Variants in RBFOX1 observed in about 807,000 individuals in gnomAD.
The protein encoded by RBFOX1 is RNA binding fox-1 homolog 1.
Under a neutral mutation model 57.7 loss-of-function variants are expected in RBFOX1, and 8 were observed. The ratio of observed to expected loss-of-function variants is 0.14; its 90% CI spans 0.08 to 0.25. RBFOX1 has a LOEUF of 0.25. Ranked by LOEUF, RBFOX1 falls within the 10% of genes least tolerant of loss-of-function variation. The pLI is 1.00. For missense variants in RBFOX1, 611 were observed against 548.5 expected, an observed-to-expected ratio of 1.11 and a Z score of -1.14; for synonymous variants, 326 against 222.4, an observed-to-expected ratio of 1.47 and a Z score of -4.15.
chr16:5,884,060 G>A (rs1163571274), intron 4 of RBFOX1, among the ~76,000 whole-genome samples: 1 of 152,184 alleles, frequency 6.6e-6, no homozygotes, highest in Non-Finnish European at 1.5e-5. Flanking sequence ...CTTCTCATCT[G>A]AAAGATGGGG....
chr16:7,520,281 A>T (rs546604731), intron 5 of RBFOX1, among the ~76,000 whole-genome samples: 1 of 152,194 alleles, frequency 6.6e-6, no homozygotes, highest in Non-Finnish European at 1.5e-5. Context: ...CATATAACAT[A>T]AAACTTAACC....
In RBFOX1 at chr16:7,036,730, CAAAG is replaced by C. The variant is rs1555796158; in HGVS notation, c.-15-15323_-15-15320del. ...ACAAACAAAAAAAACAAAAAACAAA[CAAAG>C]AAAAAAAAAAAGAAAGAATTCAGGG... On this transcript the variant is annotated intron_variant, in intron 3 of 15. Transcript: ENST00000550418. Among the ~76,000 whole-genome samples the C allele has an allele frequency of 7.5e-4, 99 of 132,138 alleles. 1 individual carries two copies. The highest frequency in any genetic ancestry group is 2.3e-3 in the South Asian group (10 of 4,306). 86.7% of individuals were successfully genotyped at this position (132,138 alleles called of 152,430 possible).
rs186452477 is a variant in RBFOX1, at chr16:6,885,685, C to G, written c.-15-166372C>G. Among the ~76,000 whole-genome samples, 3 of 152,168 alleles carry G rather than the reference C, an allele frequency of 2.0e-5. No individual in the cohort carries two copies. The South Asian group carries it at 6.2e-4, about 32-fold the overall frequency. On this transcript the variant is annotated intron_variant, in intron 3 of 15. Coordinates refer to ENST00000550418, the MANE Select transcript of RBFOX1 (RefSeq NM_018723.4). The stretch of plus-strand genomic sequence containing the variant: ...TAGCTGGGATTACAGGCCCCTGCCA[C>G]CACACTCAGCTAATTTTTCTATCTT...
At chr16:7,213,988 C>T (rs1356151770) in intron 4 of RBFOX1, among the ~76,000 whole-genome samples, 1 of 152,042 alleles carries the variant, frequency 6.6e-6, no homozygotes, top group Non-Finnish European at 1.5e-5. Flanking sequence ...TTAATTTCCA[C>T]TGTCCTGATG....
chr16:5,784,870 C>T (rs28521723), intron 3 of RBFOX1, among the ~76,000 whole-genome samples: 52,610 of 151,898 alleles, frequency 0.35, 9,745 homozygotes, highest in East Asian at 0.55. Flanking sequence ...CTGAATCTCC[C>T]GGTGCGTTGA....
rs1203067169 is a variant in RBFOX1, at chr16:5,694,168, G to T, written c.318+95207G>T. 2.0e-5 allele frequency among the ~76,000 whole-genome samples: 3 copies of T among 152,156 alleles called. No individual in the cohort carries two copies. In the East Asian group the frequency reaches 5.8e-4, roughly 29 times the overall value. On this transcript the variant is annotated intron_variant, in intron 3 of 19. Coordinates refer to the RBFOX1 transcript ENST00000641259. ...TGCTAAACCAAAATGTGTGGCCGGGGATTTTGCATTCTGCATTTTTCACAG... is the reference window on the plus strand; with the variant it reads ...TGCTAAACCAAAATGTGTGGCCGGGTATTTTGCATTCTGCATTTTTCACAG...
chr16:7,029,948 C>G (rs1217520546), intron 3 of RBFOX1, among the ~76,000 whole-genome samples: 1 of 152,188 alleles, frequency 6.6e-6, no homozygotes, highest in Non-Finnish European at 1.5e-5. Context: ...GGGGTAGACA[C>G]ATGATGTGTG....
At chr16:5,557,524 G>A (rs889654554) in intron 2 of RBFOX1, among the ~76,000 whole-genome samples, 3 of 152,148 alleles carry the variant, frequency 2.0e-5, no homozygotes, top group Non-Finnish European at 2.9e-5. Flanking sequence ...AGGGGTGACT[G>A]TGATGGGGAG....
At chr16:6,964,249 T>C (rs4786133) in intron 3 of RBFOX1, among the ~76,000 whole-genome samples, 152,014 of 152,230 alleles carry the variant, frequency 1, 75,900 homozygotes, top group East Asian at 1. Context: ...GAACTGCTGA[T>C]CTCAAGTGAT....
intron 1 of RBFOX1, among the ~76,000 whole-genome samples, chr16:5,389,159 C>A (rs1285040833): frequency 6.6e-6 from 1 of 151,278 alleles, no homozygotes; most frequent in Non-Finnish European, 1.5e-5. Context: ...CCACTGCACT[C>A]CAGCCTGGGC....
At chr16:5,629,728 C>G (rs1596511512) in intron 3 of RBFOX1, among the ~76,000 whole-genome samples, 1 of 152,176 alleles carries the variant, frequency 6.6e-6, no homozygotes, top group African/African-American at 2.4e-5. Context: ...TTCTCCAACT[C>G]TTGTATTTCA....
intron 4 of RBFOX1, among the ~76,000 whole-genome samples, chr16:7,512,686 G>A (rs1038963376): frequency 2.6e-5 from 4 of 152,218 alleles, no homozygotes; most frequent in Non-Finnish European, 4.4e-5. Flanking sequence ...CATGGTAGAG[G>A]TGGGTGGCTT....
intron 2 of RBFOX1, among the ~76,000 whole-genome samples, chr16:6,336,231 C>G (rs1214936751): frequency 2.0e-5 from 2 of 98,716 alleles, no homozygotes; most frequent in Non-Finnish European, 3.8e-5. Context: ...TGGAGTCTCG[C>G]TCTGTCGCCC....
chr16:7,697,774 A>G (rs1323878528), intron 14 of RBFOX1, among the ~76,000 whole-genome samples: 2 of 152,168 alleles, frequency 1.3e-5, no homozygotes, highest in African/African-American at 4.8e-5. Context: ...TCCAGATGGA[A>G]TTCTACCTTC....
chr16:7,396,225 T>C (rs752872000), intron 4 of RBFOX1, among the ~76,000 whole-genome samples: 1 of 152,188 alleles, frequency 6.6e-6, no homozygotes, highest in Non-Finnish European at 1.5e-5. Context: ...AGAGCAAGGC[T>C]GTGGCAGTAC....
At chr16:6,051,944 G>A (rs1162716286) in intron 1 of RBFOX1, among the ~76,000 whole-genome samples, 2 of 151,986 alleles carry the variant, frequency 1.3e-5, no homozygotes, top group African/African-American at 2.4e-5. Context: ...CAGAGTCAGA[G>A]CCCTACACTC....
intron 1 of RBFOX1, among the ~76,000 whole-genome samples, chr16:6,252,586 C>T (rs753720908): frequency 6.6e-6 from 1 of 150,724 alleles, no homozygotes; most frequent in Non-Finnish European, 1.5e-5. Flanking sequence ...TGCTGTTGAT[C>T]TGCTTTCGTT....
At chr16:7,703,725 G>A (rs1372520825) in intron 14 of RBFOX1, among the ~76,000 whole-genome samples, 2 of 152,060 alleles carry the variant, frequency 1.3e-5, no homozygotes, top group African/African-American at 4.8e-5. Flanking sequence ...AACAAACACG[G>A]GTTTATATTC....
intron 4 of RBFOX1, among the ~76,000 whole-genome samples, chr16:7,335,584 GAAAAAAAAAAAA>G (rs959362612): frequency 4.0e-5 from 3 of 74,652 alleles, no homozygotes; most frequent in South Asian, 4.9e-4. Context: ...CTCAGATAAA[GAAAAAAAAAAAA>G]AAAAAAAAAA....
Sources: allele counts gnomAD v4.1 joint callset (sites outside exome capture counted in the v4.1 genomes callset), GRCh38; gene constraint gnomAD v4.1.1; transcripts MANE v1.5; gene names NCBI Gene and HGNC (gene_info 2026-07-23, HGNC 2026-07-21).